The following SDCCAG8 variants were observed in gnomAD, a reference collection of about 807,000 sequenced individuals.
SDCCAG8 encodes SHH signaling and ciliogenesis regulator SDCCAG8, also known as serologically defined colon cancer antigen 8.
A neutral mutation model predicts 101.8 loss-of-function variants in SDCCAG8; 74 were observed. The ratio of observed to expected loss-of-function variants is 0.73; its 90% CI spans 0.60 to 0.88. SDCCAG8 has a LOEUF of 0.88. SDCCAG8 is among the 40% of genes least tolerant of loss of function. The pLI, the probability that SDCCAG8 is intolerant of heterozygous loss-of-function variation, is 0.00. For synonymous variants in SDCCAG8, 281 were observed against 292.9 expected (o/e 0.96, Z 0.41); for missense variants, 787 against 822.6 (o/e 0.96, Z 0.53).
At chr1:243,422,806 G>C (rs571442289) in intron 15 of SDCCAG8, among the ~76,000 whole-genome samples, 1 of 152,096 alleles carries the variant, frequency 6.6e-6, no homozygotes, top group Non-Finnish European at 1.5e-5. Context: ...AATTATAGTA[G>C]TAAAATATAT....
chr1:243,394,447 C>T (rs2078914423), intron 13 of SDCCAG8, among the ~76,000 whole-genome samples: 1 of 152,146 alleles, frequency 6.6e-6, no homozygotes, highest in Non-Finnish European at 1.5e-5. Flanking sequence ...GTTCTTTGTC[C>T]TGCAGCCCTG....
At chr1:243,304,639 A>T in intron 6 of SDCCAG8, 74 bp from the exon 7 acceptor site, 1 of 783,442 alleles carries the variant, frequency 1.3e-6, no homozygotes, top group Non-Finnish European at 2.1e-6. Flanking sequence ...ATTGAGTTTA[A>T]TATTAAAAAT....
intron 12 of SDCCAG8, among the ~76,000 whole-genome samples, chr1:243,363,032 AT>A (rs762318138): frequency 2.0e-5 from 3 of 152,158 alleles, no homozygotes; most frequent in Non-Finnish European, 4.4e-5. Context: ...ACATATTGCC[AT>A]AATAAATTCT....
intron 11 of SDCCAG8, among the ~76,000 whole-genome samples, chr1:243,343,849 AAT>A (rs1454411208): frequency 6.6e-6 from 1 of 152,254 alleles, no homozygotes; most frequent in Non-Finnish European, 1.5e-5. Flanking sequence ...TATCAATGTG[AAT>A]GAATAATAAC....
intron 15 of SDCCAG8, among the ~76,000 whole-genome samples, chr1:243,420,107 T>C (rs2080888879): frequency 6.6e-6 from 1 of 152,208 alleles, no homozygotes; most frequent in Non-Finnish European, 1.5e-5. Flanking sequence ...GTCTGTCCCA[T>C]TGTTGATGGC....
chr1:243,350,309 A>G (rs1686150379), intron 12 of SDCCAG8, among the ~76,000 whole-genome samples: 1 of 151,700 alleles, frequency 6.6e-6, no homozygotes, highest in South Asian at 2.1e-4. Flanking sequence ...CCCAGGTTCT[A>G]GCAATTCTCC....
chr1:243,293,406 T>C lies in SDCCAG8; in HGVS notation c.675+187T>C, dbSNP rs185888988. The C allele has an allele frequency of 4.4e-4, 326 of 743,546 alleles. 1 individual carries two copies. The African/African-American group carries it at 4.5e-3, about 10-fold the overall frequency. 46.1% of individuals were successfully genotyped at this position (743,546 alleles called of 1,614,324 possible). ...AACATTATCCATTTTCAGAACTTTT[T>C]GATCATCTCAAACAAAAAGTCTGGA... On this transcript the variant is annotated intron_variant, in intron 6 of 17. Transcript: ENST00000366541.
intron 13 of SDCCAG8, among the ~76,000 whole-genome samples, chr1:243,390,937 C>T (rs936977463): frequency 9.9e-5 from 15 of 152,236 alleles, no homozygotes; most frequent in East Asian, 5.8e-4. Context: ...TAATTTCTTC[C>T]GGTAAATTTC....
chr1:243,263,185 T>C (rs2067321133), intron 1 of SDCCAG8, among the ~76,000 whole-genome samples: 1 of 152,224 alleles, frequency 6.6e-6, no homozygotes, highest in South Asian at 2.1e-4. Context: ...GTTTTATTGA[T>C]CTCGTTTTAT....
chr1:243,460,451 G>A (rs554867229), intron 16 of SDCCAG8, among the ~76,000 whole-genome samples: 1 of 152,170 alleles, frequency 6.6e-6, no homozygotes. Context: ...CCAACTCACA[G>A]TGTGACTGAT....
At chr1:243,419,717 A>C (rs1410238869) in intron 15 of SDCCAG8, among the ~76,000 whole-genome samples, 2 of 152,210 alleles carry the variant, frequency 1.3e-5, no homozygotes, top group African/African-American at 4.8e-5. Context: ...GTTCTTTCTT[A>C]TGGTAATTAC....
intron 8 of SDCCAG8, among the ~76,000 whole-genome samples, chr1:243,313,417 C>T (rs1286233450): frequency 6.6e-6 from 1 of 152,192 alleles, no homozygotes; most frequent in Non-Finnish European, 1.5e-5. Context: ...AAGGGACTTT[C>T]TCAGTCCTTT....
chr1:243,386,536 G>A (rs975356707), intron 13 of SDCCAG8, among the ~76,000 whole-genome samples: 5 of 152,114 alleles, frequency 3.3e-5, no homozygotes, highest in Non-Finnish European at 7.4e-5. Context: ...GGCGGATCAC[G>A]AGGTCAGGAG....
chr1:243,492,599 C>T (rs1384418874), intron 17 of SDCCAG8, among the ~76,000 whole-genome samples: 3 of 141,462 alleles, frequency 2.1e-5, no homozygotes, highest in Non-Finnish European at 3.0e-5. Flanking sequence ...CCACTGCGCC[C>T]AGCTGTTTTT....
chr1:243,295,100 CT>C (rs1051876422), intron 6 of SDCCAG8, among the ~76,000 whole-genome samples: 3 of 151,976 alleles, frequency 2.0e-5, no homozygotes, highest in East Asian at 1.9e-4. Context: ...TAAATTGTAT[CT>C]TTTTTTTCCC....
chr1:243,376,464 T>C (rs1304719353), intron 12 of SDCCAG8, among the ~76,000 whole-genome samples: 1 of 152,188 alleles, frequency 6.6e-6, no homozygotes, highest in South Asian at 2.1e-4. Flanking sequence ...AACGCAACCC[T>C]TGACTTTTTA....
chr1:243,358,876 A>G (rs930574437), intron 12 of SDCCAG8, among the ~76,000 whole-genome samples: 2 of 152,250 alleles, frequency 1.3e-5, no homozygotes, highest in African/African-American at 2.4e-5. Flanking sequence ...AACATATTGT[A>G]TGATTCAATT....
At chr1:243,427,471 T>C (rs1240676967) in intron 16 of SDCCAG8, among the ~76,000 whole-genome samples, 1 of 152,096 alleles carries the variant, frequency 6.6e-6, no homozygotes, top group Non-Finnish European at 1.5e-5. Flanking sequence ...TTCTGTAGAC[T>C]TGGACTTCCA....
intron 13 of SDCCAG8, among the ~76,000 whole-genome samples, chr1:243,396,081 C>T (rs557210421): frequency 1.6e-4 from 25 of 152,172 alleles, no homozygotes; most frequent in Admixed American, 1.3e-3. Flanking sequence ...AATGATCTTC[C>T]ATTTTCTTAT....
Sources: gnomAD v4.1 joint callset for allele counts (sites outside exome capture counted in the v4.1 genomes callset) on GRCh38, gnomAD v4.1.1 for gene constraint, MANE v1.5 for transcripts, NCBI Gene and HGNC (gene_info 2026-07-23, HGNC 2026-07-21) for gene names.